Variants in GPC5 observed in about 807,000 individuals in gnomAD.
GPC5 encodes the protein glypican 5.
GPC5 carries 47 observed loss-of-function variants against 53.9 expected under a neutral mutation model. The observed-to-expected ratio is 0.87, with a 90% CI of 0.69 to 1.11. The LOEUF (loss-of-function observed/expected upper bound fraction) is 1.11. Ranked by LOEUF, GPC5 falls within the 50% of genes most tolerant of loss-of-function variation. The probability of loss-of-function intolerance (pLI) is 0.00; values close to 1 mark genes in which losing one functional copy is unlikely to be tolerated. For synonymous variants in GPC5, 286 were observed against 263.3 expected, an observed-to-expected ratio of 1.09 and a Z score of -0.84; for missense variants, 748 against 713.1, an observed-to-expected ratio of 1.05 and a Z score of -0.56.
chr13:92,377,739 T>G (rs1428448069), intron 7 of GPC5, among the ~76,000 whole-genome samples: 1 of 152,222 alleles, frequency 6.6e-6, no homozygotes, highest in Non-Finnish European at 1.5e-5. Flanking sequence ...GTTTGTTTTC[T>G]TTTGATGATT....
chr13:92,146,576 T>C (rs1242052748), intron 7 of GPC5, among the ~76,000 whole-genome samples: 1 of 152,096 alleles, frequency 6.6e-6, no homozygotes, highest in Non-Finnish European at 1.5e-5. Flanking sequence ...GTAAGTTCTT[T>C]AGTGGTGATT....
chr13:92,105,196 C>G (rs1473521411), intron 6 of GPC5, among the ~76,000 whole-genome samples: 1 of 151,894 alleles, frequency 6.6e-6, no homozygotes, highest in African/African-American at 2.4e-5. Flanking sequence ...GGGGAATTCA[C>G]AACTATGCGT....
At chr13:92,056,624 A>G (rs1292468464) in intron 6 of GPC5, among the ~76,000 whole-genome samples, 1 of 152,208 alleles carries the variant, frequency 6.6e-6, no homozygotes, top group Non-Finnish European at 1.5e-5. Context: ...CTGTAACTAC[A>G]TCACACTAAC....
In GPC5 at chr13:92,405,258, C is replaced by T. The variant is rs535408108; in HGVS notation, c.1561+260269C>T. ...GGCACAGTCACACACTCCGTGCACT[C>T]GCTACGACTGGGACAATGTAGACAC... is the stretch of plus-strand genomic sequence containing the variant. On this transcript the variant is annotated intron_variant, in intron 7 of 7. Transcript: ENST00000377067. Among the ~76,000 whole-genome samples the T allele has an allele frequency of 2.6e-5, 4 of 152,242 alleles. No individual in the cohort carries two copies. In the East Asian group the frequency reaches 7.7e-4, roughly 29 times the overall value.
chr13:91,566,863 AG>A (rs1859020527), intron 2 of GPC5, among the ~76,000 whole-genome samples: 1 of 152,100 alleles, frequency 6.6e-6, no homozygotes, highest in South Asian at 2.1e-4. Flanking sequence ...CAAAATGTTG[AG>A]TAAATATTCA....
At chr13:91,907,358 T>C (rs2039564024) in intron 5 of GPC5, among the ~76,000 whole-genome samples, 1 of 147,388 alleles carries the variant, frequency 6.8e-6, no homozygotes, top group Non-Finnish European at 1.5e-5. Context: ...ACTTATTACT[T>C]GGAGGAACTA....
At chr13:92,151,453 G>T (rs116157666) in intron 7 of GPC5, among the ~76,000 whole-genome samples, 1,528 of 152,120 alleles carry the variant, frequency 0.01, 25 homozygotes, top group African/African-American at 0.035. Context: ...AAAGCATGAT[G>T]AAATTTTTTA....
chr13:92,254,402 A>C (rs539028435), intron 7 of GPC5, among the ~76,000 whole-genome samples: 32 of 152,228 alleles, frequency 2.1e-4, no homozygotes, highest in Non-Finnish European at 2.2e-4. Context: ...GTTTGTATAG[A>C]TTCACATTAA....
chr13:91,724,331 C>T (rs2036533930), intron 3 of GPC5, among the ~76,000 whole-genome samples: 1 of 152,100 alleles, frequency 6.6e-6, no homozygotes, highest in Non-Finnish European at 1.5e-5. Context: ...CCAAGCATCC[C>T]AGATGTGGCC....
At chr13:91,899,336 T>C (rs752454823) in intron 5 of GPC5, among the ~76,000 whole-genome samples, 41 of 152,170 alleles carry the variant, frequency 2.7e-4, no homozygotes, top group African/African-American at 9.4e-4. Flanking sequence ...ATTATTTTTC[T>C]TGTGGCCAAC....
At chr13:91,936,833 C>A (rs1255046793) in intron 6 of GPC5, among the ~76,000 whole-genome samples, 2 of 152,014 alleles carry the variant, frequency 1.3e-5, no homozygotes, top group African/African-American at 2.4e-5. Context: ...ATCTACTAAG[C>A]AGCTGGAGAT....
intron 7 of GPC5, among the ~76,000 whole-genome samples, chr13:92,657,122 G>T (rs1326915440): frequency 5.9e-5 from 9 of 152,070 alleles, no homozygotes; most frequent in Non-Finnish European, 1.3e-4. Flanking sequence ...CTCATTAGAT[G>T]GTGAATATTT....
At chr13:92,186,571 T>C (rs1240857823) in intron 7 of GPC5, among the ~76,000 whole-genome samples, 1 of 151,120 alleles carries the variant, frequency 6.6e-6, no homozygotes, top group Non-Finnish European at 1.5e-5. Context: ...AAAATATATT[T>C]ACTCTCATCG....
At chr13:91,978,958 G>C (rs920338033) in intron 6 of GPC5, among the ~76,000 whole-genome samples, 1 of 152,124 alleles carries the variant, frequency 6.6e-6, no homozygotes, top group Non-Finnish European at 1.5e-5. Context: ...TGAAAGCAGG[G>C]AATTAAAGAA....
At chr13:91,480,073 G>A (rs1432488903) in intron 2 of GPC5, among the ~76,000 whole-genome samples, 1 of 151,966 alleles carries the variant, frequency 6.6e-6, no homozygotes, top group Non-Finnish European at 1.5e-5. Flanking sequence ...GCTTTTGTTG[G>A]GTGTATTTAT....
intron 6 of GPC5, among the ~76,000 whole-genome samples, chr13:91,920,439 G>A (rs376101198): frequency 1.3e-5 from 2 of 152,230 alleles, no homozygotes; most frequent in South Asian, 4.1e-4. Context: ...TAAGAATGTT[G>A]GAGAACAGAA....
At chr13:92,005,094 A>G (rs1429408171) in intron 6 of GPC5, among the ~76,000 whole-genome samples, 1 of 152,152 alleles carries the variant, frequency 6.6e-6, no homozygotes, top group Admixed American at 6.5e-5. Flanking sequence ...AATACTTTGC[A>G]TCCTTCAATC....
At chr13:91,974,232 C>T (rs902814465) in intron 6 of GPC5, among the ~76,000 whole-genome samples, 6 of 152,292 alleles carry the variant, frequency 3.9e-5, no homozygotes, top group Admixed American at 2.0e-4. Flanking sequence ...CCTCTCTCAC[C>T]GCTCCTATTC....
chr13:92,466,909 A>G (rs1594226625), intron 7 of GPC5, among the ~76,000 whole-genome samples: 1 of 152,118 alleles, frequency 6.6e-6, no homozygotes, highest in South Asian at 2.1e-4. Flanking sequence ...AATGAGGCAG[A>G]TTACATTTTG....
Sources: allele counts gnomAD v4.1 joint callset (sites outside exome capture counted in the v4.1 genomes callset), GRCh38; gene constraint gnomAD v4.1.1; transcripts MANE v1.5; gene names NCBI Gene and HGNC (gene_info 2026-07-23, HGNC 2026-07-21).